The following IDNK variants were observed in gnomAD, a reference collection of about 807,000 sequenced individuals.
IDNK encodes the protein gluconokinase.
IDNK carries 9 observed loss-of-function variants against 13.0 expected under a neutral mutation model. The ratio of observed to expected loss-of-function variants is 0.69; its 90% CI spans 0.42 to 1.21. The LOEUF (loss-of-function observed/expected upper bound fraction) is 1.21, where lower values mean the gene tolerates loss of function less well. Among genes scored for constraint, IDNK ranks in the 50% most tolerant of loss-of-function variants. IDNK has a pLI of 0.00. For synonymous variants in IDNK, 92 were observed against 94.9 expected (o/e 0.97, Z 0.18); for missense variants, 210 against 237.8 (o/e 0.88, Z 0.77).
At chr9:83,631,727 G>A (rs982619017) in intron 3 of IDNK, among the ~76,000 whole-genome samples, 1 of 152,146 alleles carries the variant, frequency 6.6e-6, no homozygotes, top group African/African-American at 2.4e-5. Flanking sequence ...TACCTTACTG[G>A]ACAGCACAGC....
chr9:83,641,660 G>GA (rs961926546), intron 4 of IDNK, 69 bp downstream of exon 4: 39 of 1,484,246 alleles, frequency 2.6e-5, no homozygotes, highest in African/African-American at 8.4e-5. Context: ...AAAAGACAGG[G>GA]AAAAAAAATA....
At chr9:83,627,889 G>C in intron 1 of IDNK, 1 of 373,876 alleles carries the variant, frequency 2.7e-6, no homozygotes, top group Non-Finnish European at 4.1e-6. Flanking sequence ...TTACACAACA[G>C]GGACCAAAAA....
chr9:83,629,910 C>T (rs577352911), intron 3 of IDNK, among the ~76,000 whole-genome samples: 3 of 152,344 alleles, frequency 2.0e-5, no homozygotes, highest in South Asian at 2.1e-4. Context: ...GTGTGCAGGC[C>T]GTGAGGCCAT....
Position 83,643,444 on chromosome 9 carries a change from A to G in IDNK, c.228A>G (p.Gly76=), listed in dbSNP as rs772434020. 1.9e-6 allele frequency: 3 copies of G among 1,604,272 alleles called. No individual in the cohort carries two copies. In the Admixed American group the frequency reaches 5.0e-5, roughly 27 times the overall value. Residue 76 remains glycine (G), a synonymous_variant, in exon 5 of 5, where the codon GGA becomes GGG. Coordinates refer to ENST00000376419, the MANE Select transcript of IDNK (RefSeq NM_001001551.4). The part of the protein sequence containing the change: ...HDILLRDVAS[G]QRVVLACSAL... Reference sequence around the variant, plus strand: ...TTCTAAACAGAGATGTAGCCTCGGGACAGCGTGTGGTTCTAGCCTGTTCAG... The same window carrying G: ...TTCTAAACAGAGATGTAGCCTCGGGGCAGCGTGTGGTTCTAGCCTGTTCAG...
intron 3 of IDNK, among the ~76,000 whole-genome samples, chr9:83,631,591 G>T (rs1452622495): frequency 6.6e-6 from 1 of 151,868 alleles, no homozygotes; most frequent in African/African-American, 2.4e-5. Context: ...TAGCCTGGGG[G>T]ACAGAGTGAG....
chr9:83,627,918 A>T (rs1830904753), intron 1 of IDNK: 1 of 822,306 alleles, frequency 1.2e-6, no homozygotes, highest in Non-Finnish European at 1.6e-6. Context: ...TGAAGAAAAA[A>T]CTTGGGTTTA....
intron 1 of IDNK, among the ~76,000 whole-genome samples, chr9:83,625,072 C>T (rs1830813665): frequency 6.6e-6 from 1 of 152,120 alleles, no homozygotes; most frequent in Admixed American, 6.5e-5. Flanking sequence ...TGAGGGGAAG[C>T]ATGATGGGAG....
intron 1 of IDNK, chr9:83,626,513 T>A: frequency 2.4e-6 from 1 of 413,800 alleles, no homozygotes; most frequent in Admixed American, 2.6e-5. Flanking sequence ...GCCTCCTGAG[T>A]TCAAGCGATT....
intron 4 of IDNK, 91 bp from the exon 5 acceptor site, chr9:83,643,338 G>A (rs1210992322): frequency 4.2e-5 from 42 of 991,438 alleles, no homozygotes; most frequent in Non-Finnish European, 6.2e-5. Flanking sequence ...GCAGGAAGTA[G>A]GACTAGAGTC....
intron 1 of IDNK, chr9:83,627,902 G>C: frequency 2.3e-6 from 1 of 435,104 alleles, no homozygotes. Flanking sequence ...ACCAAAAACT[G>C]ATTACTGAAG....
chr9:83,632,769 G>A (rs1831058243), intron 3 of IDNK, among the ~76,000 whole-genome samples: 1 of 152,094 alleles, frequency 6.6e-6, no homozygotes, highest in Non-Finnish European at 1.5e-5. Context: ...TAAAACTTCT[G>A]TGTGTTTGAT....
chr9:83,643,063 A>C (rs377423260), intron 4 of IDNK, among the ~76,000 whole-genome samples: 2 of 152,244 alleles, frequency 1.3e-5, no homozygotes, highest in East Asian at 3.8e-4. Context: ...GTGTCCACAC[A>C]CTGCGACAGA....
chr9:83,628,563 A>C (rs1830924819), intron 2 of IDNK, among the ~76,000 whole-genome samples: 1 of 152,116 alleles, frequency 6.6e-6, no homozygotes, highest in South Asian at 2.1e-4. Context: ...GAGGCAGGGG[A>C]ATCACTTGAA....
At chr9:83,642,043 C>T (rs1831324036) in intron 4 of IDNK, among the ~76,000 whole-genome samples, 1 of 152,148 alleles carries the variant, frequency 6.6e-6, no homozygotes, top group Non-Finnish European at 1.5e-5. Context: ...CCCTTTACTT[C>T]AAGCTGTGAC....
intron 4 of IDNK, among the ~76,000 whole-genome samples, 155 bp downstream of exon 4, chr9:83,641,746 A>T (rs1831315478): frequency 6.6e-6 from 1 of 152,238 alleles, no homozygotes; most frequent in African/African-American, 2.4e-5. Context: ...AACCACAATG[A>T]TTTCAACCAG....
intron 3 of IDNK, among the ~76,000 whole-genome samples, chr9:83,637,783 A>G (rs569969504): frequency 1.1e-4 from 16 of 152,322 alleles, no homozygotes; most frequent in African/African-American, 3.8e-4. Context: ...GCTGGACCTG[A>G]GTATCTTACA....
chr9:83,629,000 G>C, intron 3 of IDNK, 41 bp downstream of exon 3: 1 of 1,518,426 alleles, frequency 6.6e-7, no homozygotes, highest in South Asian at 1.1e-5. Context: ...TATTCCACCT[G>C]GGTGACAGGA....
At chr9:83,626,573 C>T (rs1277782652) in intron 1 of IDNK, 3 of 532,536 alleles carry the variant, frequency 5.6e-6, no homozygotes, top group Non-Finnish European at 9.9e-6. Context: ...TGCACCACCA[C>T]ACCCAGCTAA....
In IDNK at chr9:83,643,963, G is replaced by T; in HGVS notation, c.*183G>T. On this transcript the variant is annotated 3_prime_UTR_variant, in exon 5 of 5. Coordinates refer to ENST00000376419, the MANE Select transcript of IDNK (RefSeq NM_001001551.4). ...TTATGCTGGTTCATCAGGAAGCAGA[G>T]GGGGAGTTTTAAAAGTCAAGCTTAA... The T allele has an allele frequency of 1.9e-6, 1 of 539,750 alleles. No homozygotes were observed. The allele number at this position is 539,750 out of a possible 1,614,324, so 33.4% of individuals were successfully genotyped here.
Sources: gnomAD v4.1 joint callset for allele counts (sites outside exome capture counted in the v4.1 genomes callset) on GRCh38, gnomAD v4.1.1 for gene constraint, MANE v1.5 for transcripts, NCBI Gene and HGNC (gene_info 2026-07-23, HGNC 2026-07-21) for gene names.